Variants in TMEM135 observed in about 807,000 individuals in gnomAD.
TMEM135 encodes transmembrane protein 135, also known as peroxisomal membrane protein 52.
A neutral mutation model predicts 60.3 loss-of-function variants in TMEM135; 30 were observed. The observed-to-expected ratio is 0.50, with a 90% CI of 0.37 to 0.68. The LOEUF (loss-of-function observed/expected upper bound fraction) is 0.68. TMEM135 is among the 30% of genes least tolerant of loss of function. The pLI is 0.00. For synonymous variants in TMEM135, 190 were observed against 186.7 expected (o/e 1.02, Z -0.14); for missense variants, 468 against 548.8 (o/e 0.85, Z 1.47).
At chr11:87,173,955 C>A (rs1939306167) in intron 5 of TMEM135, among the ~76,000 whole-genome samples, 1 of 152,094 alleles carries the variant, frequency 6.6e-6, no homozygotes, top group Non-Finnish European at 1.5e-5. Flanking sequence ...ACTACTCAAC[C>A]AAATTCTGCT....
intron 8 of TMEM135, 59 bp from the exon 9 acceptor site, chr11:87,305,877 A>G: frequency 3.1e-6 from 4 of 1,294,250 alleles, no homozygotes; most frequent in Non-Finnish European, 4.4e-6. Context: ...ACATGTACAA[A>G]CACATGGATA....
intron 6 of TMEM135, among the ~76,000 whole-genome samples, chr11:87,288,814 A>AT (rs1481554047): frequency 6.6e-6 from 1 of 151,724 alleles, no homozygotes; most frequent in Admixed American, 6.6e-5. Flanking sequence ...ACTTTTTTTC[A>AT]TTTTTTAGGT....
chr11:87,079,592 A>G (rs1363698855), intron 3 of TMEM135, among the ~76,000 whole-genome samples: 1 of 151,312 alleles, frequency 6.6e-6, no homozygotes, highest in Non-Finnish European at 1.5e-5. Flanking sequence ...TTTCTTTTCC[A>G]ATCTGTATGT....
intron 5 of TMEM135, among the ~76,000 whole-genome samples, chr11:87,233,659 G>A (rs1451729833): frequency 6.6e-6 from 1 of 152,010 alleles, no homozygotes; most frequent in Non-Finnish European, 1.5e-5. Context: ...AGTAACTACA[G>A]TATTGGACTA....
intron 11 of TMEM135, among the ~76,000 whole-genome samples, chr11:87,313,869 T>G (rs1220709678): frequency 6.6e-6 from 1 of 151,890 alleles, no homozygotes; most frequent in Non-Finnish European, 1.5e-5. Context: ...CATAATAACT[T>G]TTTAAAGGAA....
At chr11:87,127,059 G>C (rs1298348160) in intron 4 of TMEM135, among the ~76,000 whole-genome samples, 1 of 152,096 alleles carries the variant, frequency 6.6e-6, no homozygotes, top group African/African-American at 2.4e-5. Context: ...AAACAACATT[G>C]ATTTGAACAG....
At position 87,324,219 on chromosome 11, in the gene TMEM135, C is replaced by T. The variant is rs1942879089; in HGVS notation, c.*2886C>T. On this transcript the variant is annotated 3_prime_UTR_variant, in exon 15 of 15. Transcript: ENST00000305494. ...TCATATCCCTGAGCTTCTGTGTGCT[C>T]TACATTTCATAGGTAATGAAAAGCA... The T allele has an allele frequency of 2.2e-6, 1 of 454,014 alleles. No homozygotes were observed. The highest frequency in any genetic ancestry group is 1.6e-5 in the South Asian group (1 of 64,452). 28.1% of individuals were successfully genotyped at this position (454,014 alleles called of 1,614,324 possible).
At chr11:87,114,860 T>C (rs985247599) in intron 4 of TMEM135, among the ~76,000 whole-genome samples, 9 of 152,214 alleles carry the variant, frequency 5.9e-5, no homozygotes, top group Admixed American at 5.9e-4. Flanking sequence ...ATGCAGTACT[T>C]GTAATAGCAT....
chr11:87,248,574 C>G (rs1236024046), intron 6 of TMEM135, among the ~76,000 whole-genome samples: 1 of 151,850 alleles, frequency 6.6e-6, no homozygotes, highest in Non-Finnish European at 1.5e-5. Flanking sequence ...GTTCTTCTTG[C>G]TTATGATAGC....
intron 6 of TMEM135, chr11:87,259,245 C>T: frequency 2.3e-6 from 1 of 438,644 alleles, no homozygotes; most frequent in South Asian, 2.1e-5. Flanking sequence ...TAGGGGTTCC[C>T]CTGCGACAGC....
At chr11:87,224,301 A>G (rs1355733857) in intron 5 of TMEM135, among the ~76,000 whole-genome samples, 1 of 152,260 alleles carries the variant, frequency 6.6e-6, no homozygotes, top group African/African-American at 2.4e-5. Context: ...CCTTTTGTCC[A>G]CAAAACCTTG....
chr11:87,210,831 A>T (rs1362904165), intron 5 of TMEM135, among the ~76,000 whole-genome samples: 1 of 152,200 alleles, frequency 6.6e-6, no homozygotes, highest in Non-Finnish European at 1.5e-5. Context: ...CTGGGATGCA[A>T]GGCTGATTTA....
rs1942763468 is a variant in TMEM135, at chr11:87,318,156, T to C, written c.1097T>C (p.Ile366Thr). 1.9e-6 allele frequency: 3 copies of C among 1,612,806 alleles called. No individual in the cohort carries two copies. Among genetic ancestry groups the C allele is most frequent in the South Asian group, 1.1e-5 (1 of 91,076 alleles). The change falls in exon 13 of 15, where the codon ATT becomes ACT. Residue 366 changes from isoleucine (I) to threonine (T), a missense_variant. Coordinates refer to ENST00000305494, the MANE Select transcript of TMEM135 (RefSeq NM_022918.4). The stretch of plus-strand genomic sequence containing the variant: ...TTGCAGACAATGTATTTCAAAGGCA[T>C]TGAAGCAGGGAAGGTTCCCTATTTT... ...KLVETMYFKG[I>T]EAGKVPYFPH...
intron 6 of TMEM135, among the ~76,000 whole-genome samples, chr11:87,240,698 G>A (rs1941112835): frequency 6.6e-6 from 1 of 152,152 alleles, no homozygotes. Context: ...CCACCATTAG[G>A]TATCTGTCTA....
At chr11:87,112,406 C>G (rs1857777912) in intron 4 of TMEM135, among the ~76,000 whole-genome samples, 1 of 152,048 alleles carries the variant, frequency 6.6e-6, no homozygotes, top group Admixed American at 6.6e-5. Context: ...GCTCTCTGGT[C>G]ATCAACCGTA....
At chr11:87,043,354 G>C (rs1335125794) in intron 1 of TMEM135, among the ~76,000 whole-genome samples, 1 of 152,020 alleles carries the variant, frequency 6.6e-6, no homozygotes, top group Non-Finnish European at 1.5e-5. Context: ...ATTTTATATT[G>C]TATTTCTTGA....
intron 4 of TMEM135, among the ~76,000 whole-genome samples, chr11:87,141,932 G>A (rs1356010566): frequency 6.6e-6 from 1 of 152,136 alleles, no homozygotes; most frequent in Non-Finnish European, 1.5e-5. Context: ...GCTATTGAAT[G>A]GTGTCTTAAT....
At chr11:87,053,064 A>G (rs1290992420) in intron 1 of TMEM135, among the ~76,000 whole-genome samples, 1 of 133,646 alleles carries the variant, frequency 7.5e-6, no homozygotes, top group African/African-American at 3.0e-5. Context: ...TATCGCAAGA[A>G]CAAAAAACGA....
rs1376441580 is a variant in TMEM135, at chr11:87,323,422, T to C, written c.*2089T>C. 10 of 453,848 alleles carry C rather than the reference T, an allele frequency of 2.2e-5. No individual in the cohort carries two copies. The highest frequency in any genetic ancestry group is 4.0e-5 in the Non-Finnish European group (9 of 226,728). 28.1% of individuals were successfully genotyped at this position (453,848 alleles called of 1,614,324 possible). On this transcript the variant is annotated 3_prime_UTR_variant, in exon 15 of 15. Coordinates refer to ENST00000305494, the MANE Select transcript of TMEM135 (RefSeq NM_022918.4). ...TGAGCAAACACAAAGAAACTTTGTG[T>C]TTTTGAAGACAATCAGAATGATTAC...
Sources: allele counts gnomAD v4.1 joint callset (sites outside exome capture counted in the v4.1 genomes callset), GRCh38; gene constraint gnomAD v4.1.1; transcripts MANE v1.5; gene names NCBI Gene and HGNC (gene_info 2026-07-23, HGNC 2026-07-21).